The following CRMP1 variants were observed in gnomAD, a reference collection of about 807,000 sequenced individuals.
CRMP1 encodes collapsin response mediator protein 1.
In CRMP1, 19 loss-of-function variants were observed where a neutral mutation model predicts 68.3. That is an observed-to-expected ratio of 0.28 (90% CI 0.19 to 0.41). The LOEUF is 0.41. Ranked by LOEUF, CRMP1 falls within the 10% of genes least tolerant of loss-of-function variation. The pLI, the probability that CRMP1 is intolerant of heterozygous loss-of-function variation, is 1.00. For missense variants in CRMP1, 791 were observed against 967.4 expected (o/e 0.82, Z 2.42); for synonymous variants, 439 against 399.6 (o/e 1.10, Z -1.18).
intron 9 of CRMP1, among the ~76,000 whole-genome samples, chr4:5,837,365 C>A (rs1020224286): frequency 6.6e-6 from 1 of 151,548 alleles, no homozygotes; most frequent in African/African-American, 2.4e-5. Flanking sequence ...TGTGGTGGCT[C>A]ACACCTGTAA....
chr4:5,881,756 G>A lies in CRMP1; in HGVS notation c.381+10833C>T, dbSNP rs141347709. On this transcript the variant is annotated intron_variant, in intron 1 of 13. Coordinates refer to ENST00000324989, the MANE Select transcript of CRMP1 (RefSeq NM_001014809.3). The surrounding 1 kb of genome is among the most constrained non-coding windows in gnomAD (Gnocchi z 4.6). ...GTAGCAAACATAAATTTTAAACGCT[G>A]ATCAAAATTTAGCCACACATCGGCA... 4.0e-4 allele frequency among the ~76,000 whole-genome samples: 61 copies of A among 152,224 alleles called. No individual in the cohort carries two copies. The highest frequency in any genetic ancestry group is 6.8e-4 in the Non-Finnish European group (46 of 68,024).
At chr4:5,863,759 G>A (rs1221569348) in intron 2 of CRMP1, among the ~76,000 whole-genome samples, 1 of 152,128 alleles carries the variant, frequency 6.6e-6, no homozygotes, top group Non-Finnish European at 1.5e-5. Flanking sequence ...AAGAAAACTT[G>A]GCAAATGGCC....
At chr4:5,824,434 TGAATGGATA>T in intron 13 of CRMP1, 2 of 985,406 alleles carry the variant, frequency 2.0e-6, no homozygotes, top group Non-Finnish European at 2.4e-6. Flanking sequence ...AGACACTTCC[TGAATGGATA>T]AGAGGTTCTG....
intron 9 of CRMP1, among the ~76,000 whole-genome samples, chr4:5,837,712 C>T (rs115044296): frequency 0.014 from 1,443 of 106,192 alleles, 27 homozygotes; most frequent in African/African-American, 0.054. Context: ...AATGAATGGA[C>T]CATTATTAGT....
Position 5,843,008 on chromosome 4 carries a change from G to A in CRMP1, c.1032+85C>T. On this transcript the variant is annotated intron_variant, in intron 7 of 13. Transcript: ENST00000324989. The surrounding 1 kb of genome is among the most constrained non-coding windows in gnomAD (Gnocchi z 4.1). The stretch of plus-strand genomic sequence containing the variant: ...AGGACACGGGAAGAGGCCGGGTCCT[G>A]GCTGGGCTACTCCAGCTGGAACAGC... The A allele has an allele frequency of 7.5e-7, 1 of 1,341,234 alleles. No individual in the cohort carries two copies. Among genetic ancestry groups the A allele is most frequent in the Admixed American group, 1.7e-5 (1 of 58,634 alleles). The allele number at this position is 1,341,234 out of a possible 1,614,324, so 83.1% of individuals were successfully genotyped here.
At chr4:5,868,591 G>A (rs771338276) in intron 1 of CRMP1, among the ~76,000 whole-genome samples, 53 of 152,044 alleles carry the variant, frequency 3.5e-4, no homozygotes, top group African/African-American at 1.2e-3. Context: ...GTGAGCCACC[G>A]CGCCTGGCCT....
chr4:5,825,460 A>G lies in CRMP1; in HGVS notation c.1969+34T>C, dbSNP rs767455908. Reference sequence around the variant, plus strand: ...GAAGGACTCGGCCTGAACTGCTGCAATTGTGGGGAGCCTGGGCCACCACTC... The same window carrying G: ...GAAGGACTCGGCCTGAACTGCTGCAGTTGTGGGGAGCCTGGGCCACCACTC... On this transcript the variant is annotated intron_variant, in intron 13 of 13. Transcript: ENST00000324989. This position sits in a 1 kb window ranked among gnomAD's most constrained non-coding sequence, Gnocchi z 4.4. 2.0e-6 allele frequency: 3 copies of G among 1,538,274 alleles called. No individual in the cohort carries two copies. Among genetic ancestry groups the G allele is most frequent in the South Asian group, 1.3e-5 (1 of 77,560 alleles).
rs1174645676 is a variant in CRMP1, at chr4:5,838,053, G to A, written c.1311-1147C>T. Among the ~76,000 whole-genome samples, 2 of 152,214 alleles carry A rather than the reference G, an allele frequency of 1.3e-5. No homozygotes were observed. Among genetic ancestry groups the A allele is most frequent in the East Asian group, 3.8e-4 (2 of 5,198 alleles). On this transcript the variant is annotated intron_variant, in intron 9 of 13. Transcript: ENST00000324989. The surrounding 1 kb of genome is among the most constrained non-coding windows in gnomAD (Gnocchi z 4.9). Reference sequence around the variant, plus strand: ...GCAGGTGGGGATGAGGCGTGCTGGGGACAGGCTGGAGATGCCATTTCCAGG... The same window carrying A: ...GCAGGTGGGGATGAGGCGTGCTGGGAACAGGCTGGAGATGCCATTTCCAGG...
intron 9 of CRMP1, among the ~76,000 whole-genome samples, chr4:5,837,308 C>T (rs1720784914): frequency 6.6e-6 from 1 of 152,000 alleles, no homozygotes; most frequent in Non-Finnish European, 1.5e-5. Flanking sequence ...ATATCAGGTG[C>T]CCTGAGCTGA....
intron 1 of CRMP1, among the ~76,000 whole-genome samples, chr4:5,880,349 T>A (rs1715146401): frequency 1.3e-5 from 2 of 152,218 alleles, no homozygotes; most frequent in African/African-American, 2.4e-5. Flanking sequence ...TGCTGAGATT[T>A]TATTAGACCT....
Position 5,837,001 on chromosome 4 carries a change from G to GA in CRMP1, c.1311-96dup, listed in dbSNP as rs999793883. On this transcript the variant is annotated intron_variant, in intron 9 of 13. Coordinates refer to ENST00000324989, the MANE Select transcript of CRMP1 (RefSeq NM_001014809.3). ...GGTACATGCAGCACAGCCAGTGAAT[G>GA]AATGAATAGATAAGGAAGCCAGTGG... The GA allele has an allele frequency of 2.7e-5, 38 of 1,388,200 alleles. No homozygotes were observed. The Admixed American group carries it at 5.6e-4, about 21-fold the overall frequency. The allele number at this position is 1,388,200 out of a possible 1,614,324, so 86.0% of individuals were successfully genotyped here. A position where few individuals can be genotyped will look rare whatever the true frequency, so the allele number is the denominator to read the frequency against.
At position 5,881,649 on chromosome 4, in the gene CRMP1, T is replaced by C. The variant is rs1344721935; in HGVS notation, c.381+10940A>G. Among the ~76,000 whole-genome samples, 1 of 152,148 alleles carries C rather than the reference T, an allele frequency of 6.6e-6. No homozygotes were observed. The highest frequency in any genetic ancestry group is 2.4e-5 in the African/African-American group (1 of 41,446). ...AGAGCTGACTTTTACTTACAGCAAA[T>C]TAGACTCTATTCAACATCTCTCTGC... On this transcript the variant is annotated intron_variant, in intron 1 of 13. Coordinates refer to ENST00000324989, the MANE Select transcript of CRMP1 (RefSeq NM_001014809.3). This position sits in a 1 kb window ranked among gnomAD's most constrained non-coding sequence, Gnocchi z 4.6.
chr4:5,885,713 A>T (rs3774895), intron 1 of CRMP1, among the ~76,000 whole-genome samples: 59,391 of 151,868 alleles, frequency 0.39, 14,442 homozygotes, highest in East Asian at 0.73. Context: ...TGATACCCTT[A>T]ACACTTCACT....
Position 5,825,203 on chromosome 4 carries a change from G to A in CRMP1, c.1969+291C>T, listed in dbSNP as rs1307562596. Reference sequence around the variant, plus strand: ...TACTTTCATGAGGAAGAGTGTGAAAGTGTCCCCAAATGTGTGTAAGGATGA... The same window carrying A: ...TACTTTCATGAGGAAGAGTGTGAAAATGTCCCCAAATGTGTGTAAGGATGA... On this transcript the variant is annotated intron_variant, in intron 13 of 13. Transcript: ENST00000324989. This position sits in a 1 kb window ranked among gnomAD's most constrained non-coding sequence, Gnocchi z 4.4. 1 of 985,214 alleles carries A rather than the reference G, an allele frequency of 1.0e-6. No individual in the cohort carries two copies. Among genetic ancestry groups the A allele is most frequent in the Non-Finnish European group, 1.2e-6 (1 of 829,932 alleles). 61.0% of individuals were successfully genotyped at this position (985,214 alleles called of 1,614,324 possible). A position where few individuals can be genotyped will look rare whatever the true frequency, so the allele number is the denominator to read the frequency against.
In CRMP1 at chr4:5,858,356, C is replaced by G. The variant is rs7692413; in HGVS notation, c.656-2049G>C. On this transcript the variant is annotated intron_variant, in intron 3 of 13. Coordinates refer to ENST00000324989, the MANE Select transcript of CRMP1 (RefSeq NM_001014809.3). This position sits in a 1 kb window ranked among gnomAD's most constrained non-coding sequence, Gnocchi z 5.5. ...GTTCTTGGCTTCTCCACCGAGATGACTCAAAAGCTCCCCCAAATGAGAATG... is the reference window on the plus strand; with the variant it reads ...GTTCTTGGCTTCTCCACCGAGATGAGTCAAAAGCTCCCCCAAATGAGAATG... Among the ~76,000 whole-genome samples the G allele has an allele frequency of 0.23, 34,173 of 151,604 alleles. 4,199 individuals carry two copies. Among genetic ancestry groups the G allele is most frequent in the African/African-American group, 0.31 (12,669 of 41,174 alleles).
At position 5,827,672 on chromosome 4, in the gene CRMP1, A is replaced by G. The variant is rs115491767; in HGVS notation, c.1803+817T>C. On this transcript the variant is annotated intron_variant, in intron 12 of 13. Transcript: ENST00000324989. Reference sequence around the variant, plus strand: ...CACACATCCCCATATGCACACATACACACGTGCATGCATGTACACATGCAC... The same window carrying G: ...CACACATCCCCATATGCACACATACGCACGTGCATGCATGTACACATGCAC... 6.1e-3 allele frequency among the ~76,000 whole-genome samples: 920 copies of G among 151,948 alleles called. 9 individuals are homozygous for G. The highest frequency in any genetic ancestry group is 0.021 in the African/African-American group (887 of 41,350).
intron 6 of CRMP1, among the ~76,000 whole-genome samples, chr4:5,848,335 G>T (rs2152462118): frequency 6.6e-6 from 1 of 152,204 alleles, no homozygotes; most frequent in African/African-American, 2.4e-5. Flanking sequence ...GGGATTACAG[G>T]TGTGCTCCAC....
chr4:5,837,305 G>A (rs2152458469), intron 9 of CRMP1, among the ~76,000 whole-genome samples: 1 of 152,138 alleles, frequency 6.6e-6, no homozygotes, highest in Non-Finnish European at 1.5e-5. Flanking sequence ...GATATATCAG[G>A]TGCCCTGAGC....
At chr4:5,874,091 C>T (rs896548357) in intron 1 of CRMP1, among the ~76,000 whole-genome samples, 10 of 152,298 alleles carry the variant, frequency 6.6e-5, no homozygotes, top group African/African-American at 2.4e-4. Flanking sequence ...GTATCAAAGG[C>T]CTTAACAATG....
Sources: allele counts gnomAD v4.1 joint callset (sites outside exome capture counted in the v4.1 genomes callset), GRCh38; gene constraint gnomAD v4.1.1; non-coding constraint Gnocchi (gnomAD v3.1); transcripts MANE v1.5; gene names NCBI Gene and HGNC (gene_info 2026-07-23, HGNC 2026-07-21).